NALF1: variants seen among roughly 807,000 people sequenced by gnomAD.
NALF1 encodes the protein family with sequence similarity 155 member A.
Under a neutral mutation model 48.4 loss-of-function variants are expected in NALF1, and 3 were observed. That is an observed-to-expected ratio of 0.06 (90% confidence interval 0.03 to 0.16). The LOEUF is 0.16. Ranked by LOEUF, NALF1 falls within the 10% of genes least tolerant of loss-of-function variation. NALF1 has a pLI of 1.00. For synonymous variants in NALF1, 262 were observed against 245.7 expected (o/e 1.07, Z -0.62); for missense variants, 526 against 571.5 (o/e 0.92, Z 0.81).
chr13:107,517,203 A>C (rs1402986570), intron 1 of NALF1, among the ~76,000 whole-genome samples: 2 of 152,234 alleles, frequency 1.3e-5, no homozygotes, highest in African/African-American at 2.4e-5. Flanking sequence ...AATAGAGTTT[A>C]AAATATCAGA....
At chr13:107,746,744 G>A (rs987964745) in intron 1 of NALF1, among the ~76,000 whole-genome samples, 1 of 152,126 alleles carries the variant, frequency 6.6e-6, no homozygotes, top group Non-Finnish European at 1.5e-5. Context: ...CTATAAATCA[G>A]TGCACATATT....
intron 1 of NALF1, among the ~76,000 whole-genome samples, chr13:107,779,578 T>C (rs995480955): frequency 6.6e-6 from 1 of 152,350 alleles, no homozygotes; most frequent in East Asian, 1.9e-4. Context: ...TCACACTCCC[T>C]TGGAGCCAAA....
intron 1 of NALF1, among the ~76,000 whole-genome samples, chr13:107,589,347 G>A (rs1192039873): frequency 6.6e-6 from 1 of 151,944 alleles, no homozygotes; most frequent in Admixed American, 6.6e-5. Flanking sequence ...CTAAATTTTG[G>A]TAGCTTTTTA....
In NALF1 at chr13:107,380,972, G is replaced by C. The variant is rs796849817; in HGVS notation, c.916-170217C>G. ...CAGCCTGTGCCACAGAGCCAGACAC[G>C]GTCTCAAAAAAAAAAAAAAAAAAGA... On this transcript the variant is annotated intron_variant, in intron 1 of 2. Transcript: ENST00000375915. Among the ~76,000 whole-genome samples the C allele has an allele frequency of 3.6e-3, 502 of 139,540 alleles. 2 individuals are homozygous for C. Among genetic ancestry groups the C allele is most frequent in the African/African-American group, 0.013 (480 of 37,564 alleles). 91.5% of individuals were successfully genotyped at this position (139,540 alleles called of 152,430 possible).
intron 2 of NALF1, among the ~76,000 whole-genome samples, chr13:107,209,464 A>G (rs1306142822): frequency 6.6e-6 from 1 of 151,490 alleles, no homozygotes; most frequent in East Asian, 1.9e-4. Flanking sequence ...CCGAGATCAC[A>G]CCAGCCTGGG....
chr13:107,298,141 A>G (rs1881759947), intron 1 of NALF1, among the ~76,000 whole-genome samples: 1 of 151,950 alleles, frequency 6.6e-6, no homozygotes, highest in Admixed American at 6.6e-5. Context: ...CGAGGTCAGG[A>G]GATCGAGACC....
intron 1 of NALF1, among the ~76,000 whole-genome samples, chr13:107,442,399 G>A (rs1884575228): frequency 1.3e-5 from 2 of 152,170 alleles, no homozygotes; most frequent in Non-Finnish European, 2.9e-5. Context: ...GACCAGCTTT[G>A]CCAATTCACT....
intron 1 of NALF1, among the ~76,000 whole-genome samples, chr13:107,638,619 A>G (rs1309594299): frequency 6.6e-6 from 1 of 152,110 alleles, no homozygotes; most frequent in Non-Finnish European, 1.5e-5. Context: ...CAAGCTTTGA[A>G]GGAAAAACTA....
At chr13:107,325,179 A>T (rs1407054338) in intron 1 of NALF1, among the ~76,000 whole-genome samples, 1 of 152,220 alleles carries the variant, frequency 6.6e-6, no homozygotes, top group African/African-American at 2.4e-5. Context: ...TATTTTTGAG[A>T]AGCATAGTGT....
At chr13:107,221,368 A>C (rs1175573561) in intron 1 of NALF1, among the ~76,000 whole-genome samples, 2 of 152,166 alleles carry the variant, frequency 1.3e-5, no homozygotes, top group African/African-American at 4.8e-5. Flanking sequence ...ACCTGAGCTC[A>C]GGAGTTCAAG....
chr13:107,655,481 T>G (rs1365160279), intron 1 of NALF1, among the ~76,000 whole-genome samples: 3 of 152,070 alleles, frequency 2.0e-5, no homozygotes, highest in Non-Finnish European at 2.9e-5. Flanking sequence ...CAAGGAAAAC[T>G]ACAAAACACT....
chr13:107,839,153 C>T (rs1366081330), intron 1 of NALF1, among the ~76,000 whole-genome samples: 1 of 151,904 alleles, frequency 6.6e-6, no homozygotes, highest in Non-Finnish European at 1.5e-5. Context: ...AAGGGGCTGA[C>T]ATTTAGTTGG....
intron 1 of NALF1, among the ~76,000 whole-genome samples, chr13:107,291,719 A>G (rs1236955907): frequency 2.0e-5 from 3 of 152,198 alleles, no homozygotes; most frequent in African/African-American, 7.2e-5. Context: ...AAAGCTGCCT[A>G]CAAAATCAAA....
intron 1 of NALF1, among the ~76,000 whole-genome samples, chr13:107,619,926 C>T (rs1879477931): frequency 6.6e-6 from 1 of 152,156 alleles, no homozygotes; most frequent in Non-Finnish European, 1.5e-5. Context: ...AATGTGTGGG[C>T]ATCCTGTCAT....
chr13:107,663,051 CT>C (rs1256887575), intron 1 of NALF1, among the ~76,000 whole-genome samples: 1 of 152,130 alleles, frequency 6.6e-6, no homozygotes, highest in African/African-American at 2.4e-5. Context: ...ATATAACCCC[CT>C]CCTCACTTGT....
intron 1 of NALF1, among the ~76,000 whole-genome samples, chr13:107,311,360 T>C (rs72650524): frequency 0.012 from 1,900 of 152,264 alleles, 22 homozygotes; most frequent in Middle Eastern, 0.058. Context: ...TTAAAAGGAT[T>C]GATATTGCTT....
At chr13:107,176,899 A>T (rs575644079) in intron 2 of NALF1, among the ~76,000 whole-genome samples, 1 of 151,730 alleles carries the variant, frequency 6.6e-6, no homozygotes, top group Non-Finnish European at 1.5e-5. Context: ...TTTTAAATTT[A>T]TTTAAATTTA....
intron 1 of NALF1, among the ~76,000 whole-genome samples, chr13:107,657,752 T>C (rs1390889501): frequency 2.6e-5 from 4 of 152,190 alleles, no homozygotes; most frequent in Admixed American, 2.6e-4. Flanking sequence ...TTTCGAGGTA[T>C]ATGCATAAAA....
intron 1 of NALF1, among the ~76,000 whole-genome samples, chr13:107,339,800 T>C (rs2138932899): frequency 6.6e-6 from 1 of 152,350 alleles, no homozygotes; most frequent in Non-Finnish European, 1.5e-5. Flanking sequence ...CCTTTAACTC[T>C]AAATAGATTT....
Sources: gnomAD v4.1 joint callset for allele counts (sites outside exome capture counted in the v4.1 genomes callset) on GRCh38, gnomAD v4.1.1 for gene constraint, MANE v1.5 for transcripts, NCBI Gene and HGNC (gene_info 2026-07-23, HGNC 2026-07-21) for gene names.